The following RIGI variants were observed in gnomAD, a reference collection of about 807,000 sequenced individuals.
RIGI encodes the protein antiviral innate immune response receptor RIG-I.
chr9:32,463,417 T>C, the RIGI span, among the ~76,000 whole-genome samples: 1 of 152,230 alleles, frequency 6.6e-6, no homozygotes, highest in Non-Finnish European at 1.5e-5. Flanking sequence ...TAATCACTAC[T>C]TAAGCAGAAT....
the RIGI span, chr9:32,459,631 A>G: frequency 1.0e-6 from 1 of 955,652 alleles, no homozygotes; most frequent in Non-Finnish European, 1.5e-6. Context: ...TTCATATACA[A>G]CTTCCATGAA....
chr9:32,494,071 A>T, the RIGI span: 1 of 681,538 alleles, frequency 1.5e-6, no homozygotes, highest in Non-Finnish European at 2.3e-6. Context: ...ATTACCCCCA[A>T]TTGTCATTGA....
the RIGI span, chr9:32,485,344 T>G: frequency 8.4e-7 from 1 of 1,193,780 alleles, no homozygotes. Context: ...AAGGACAGAT[T>G]GTAGTTCAAA....
the RIGI span, among the ~76,000 whole-genome samples, chr9:32,462,624 G>T: frequency 1.8e-4 from 27 of 152,012 alleles, no homozygotes; most frequent in Admixed American, 1.4e-3. Flanking sequence ...AGCCAGGCTG[G>T]TCTTGAACTC....
the RIGI span, among the ~76,000 whole-genome samples, chr9:32,506,382 C>T: frequency 6.6e-6 from 1 of 152,178 alleles, no homozygotes; most frequent in African/African-American, 2.4e-5. Context: ...ATCTTCATAA[C>T]CTTTGCAAAA....
the RIGI span, among the ~76,000 whole-genome samples, chr9:32,504,037 A>AC: frequency 4.8e-5 from 7 of 147,358 alleles, no homozygotes; most frequent in Admixed American, 1.4e-4. Context: ...GCAAGACTCC[A>AC]AACACACACA....
the RIGI span, among the ~76,000 whole-genome samples, chr9:32,520,854 T>C: frequency 1.1e-3 from 35 of 32,292 alleles, no homozygotes; most frequent in African/African-American, 4.3e-3. Flanking sequence ...AGGCCGGGGC[T>C]GGTGACTCAG....
the RIGI span, among the ~76,000 whole-genome samples, chr9:32,515,009 C>A: frequency 6.6e-6 from 1 of 152,014 alleles, no homozygotes; most frequent in Non-Finnish European, 1.5e-5. Context: ...TTTGTTTTAC[C>A]TTTTAAATGC....
At chr9:32,456,607 A>T in the RIGI span, 1 of 156,286 alleles carries the variant, frequency 6.4e-6, no homozygotes, top group South Asian at 1.9e-4. Flanking sequence ...GAAGAGAGAG[A>T]AGCCCAGGGA....
chr9:32,519,661 TA>T, the RIGI span, among the ~76,000 whole-genome samples: 1 of 152,216 alleles, frequency 6.6e-6, no homozygotes, highest in South Asian at 2.1e-4. Flanking sequence ...AAAACTGCTA[TA>T]TGGGTACAAA....
chr9:32,475,076 C>A, the RIGI span, among the ~76,000 whole-genome samples: 2 of 152,174 alleles, frequency 1.3e-5, no homozygotes, highest in Non-Finnish European at 2.9e-5. Flanking sequence ...CTCAGTCTCC[C>A]AAGTATCTGT....
chr9:32,525,387 T>C, the RIGI span, among the ~76,000 whole-genome samples: 10 of 152,158 alleles, frequency 6.6e-5, no homozygotes, highest in African/African-American at 2.2e-4. Flanking sequence ...GCCTCATCGA[T>C]ATCTTTTAAG....
At chr9:32,466,447 A>C in the RIGI span, 1 of 1,592,748 alleles carries the variant, frequency 6.3e-7, no homozygotes, top group Non-Finnish European at 8.5e-7. Context: ...TCTGCCTATT[A>C]GAAAATAAAT....
At chr9:32,499,776 C>T in the RIGI span, among the ~76,000 whole-genome samples, 1 of 151,416 alleles carries the variant, frequency 6.6e-6, no homozygotes, top group Non-Finnish European at 1.5e-5. Flanking sequence ...TTTTTAAATA[C>T]AGGGGTCTCC....
At chr9:32,482,384 G>A in the RIGI span, among the ~76,000 whole-genome samples, 2 of 152,312 alleles carry the variant, frequency 1.3e-5, no homozygotes, top group East Asian at 1.9e-4. Context: ...CAGCAAGTAC[G>A]TGGAGAAAGG....
At chr9:32,458,620 T>C in the RIGI span, among the ~76,000 whole-genome samples, 1 of 152,214 alleles carries the variant, frequency 6.6e-6, no homozygotes, top group Admixed American at 6.5e-5. Context: ...CTACATAAAC[T>C]TCATAATTTT....
the RIGI span, among the ~76,000 whole-genome samples, chr9:32,503,245 G>A: frequency 6.6e-6 from 1 of 152,042 alleles, no homozygotes; most frequent in Non-Finnish European, 1.5e-5. Flanking sequence ...CACAGCTACC[G>A]CCTTCCCAGA....
chr9:32,495,436 C>T, the RIGI span, among the ~76,000 whole-genome samples: 24 of 152,018 alleles, frequency 1.6e-4, no homozygotes, highest in African/African-American at 5.3e-4. Context: ...CTCCTGACCT[C>T]ACGATCCACC....
the RIGI span, among the ~76,000 whole-genome samples, chr9:32,525,292 C>T: frequency 6.6e-6 from 1 of 152,190 alleles, no homozygotes; most frequent in African/African-American, 2.4e-5. Context: ...TCCCCTAGGT[C>T]CGTGCGGGTT....
Sources: allele counts gnomAD v4.1 joint callset (sites outside exome capture counted in the v4.1 genomes callset), GRCh38; gene constraint gnomAD v4.1.1; transcripts MANE v1.5; gene names NCBI Gene and HGNC (gene_info 2026-07-23, HGNC 2026-07-21).